The following FNDC3B variants were observed in gnomAD, a reference collection of about 807,000 sequenced individuals.
The protein encoded by FNDC3B is fibronectin type III domain-containing protein 3B.
In FNDC3B, 12 loss-of-function variants were observed where a neutral mutation model predicts 151.5. The observed-to-expected ratio is 0.08, with a 90% CI of 0.05 to 0.13. FNDC3B has a LOEUF of 0.13. Ranked by LOEUF, FNDC3B falls within the 10% of genes least tolerant of loss-of-function variation. The probability of loss-of-function intolerance (pLI) is 1.00; values close to 1 mark genes in which losing one functional copy is unlikely to be tolerated. For synonymous variants in FNDC3B, 528 were observed against 549.0 expected, an observed-to-expected ratio of 0.96 and a Z score of 0.54; for missense variants, 1,214 against 1,505.3, an observed-to-expected ratio of 0.81 and a Z score of 3.20.
intron 1 of FNDC3B, among the ~76,000 whole-genome samples, chr3:172,074,417 C>T (rs554259965): frequency 3.9e-4 from 60 of 152,344 alleles, no homozygotes; most frequent in African/African-American, 1.4e-3. Flanking sequence ...GATCCTTGAA[C>T]TCTTTTTTAA....
At chr3:172,119,169 TAA>T (rs555243695) in intron 2 of FNDC3B, among the ~76,000 whole-genome samples, 52 of 102,140 alleles carry the variant, frequency 5.1e-4, no homozygotes, top group Admixed American at 1.2e-3. Context: ...GACTCTGCCT[TAA>T]AAAAAAAAAA....
intron 3 of FNDC3B, among the ~76,000 whole-genome samples, chr3:172,163,850 C>T (rs1722891701): frequency 6.6e-6 from 1 of 152,134 alleles, no homozygotes; most frequent in Non-Finnish European, 1.5e-5. Context: ...TAGATAATGC[C>T]AGAGTCTTTT....
chr3:172,217,175 C>G (rs1178939489), intron 3 of FNDC3B, among the ~76,000 whole-genome samples: 1 of 152,174 alleles, frequency 6.6e-6, no homozygotes, highest in African/African-American at 2.4e-5. Flanking sequence ...TTGGGTTCAA[C>G]AAAAGTTTGT....
chr3:172,395,593 GT>G (rs1459802830), intron 25 of FNDC3B, among the ~76,000 whole-genome samples: 1 of 152,190 alleles, frequency 6.6e-6, no homozygotes, highest in Non-Finnish European at 1.5e-5. Context: ...ATGTTAGTTT[GT>G]GATAAAGTGG....
chr3:172,368,197 G>A (rs1264193073), intron 23 of FNDC3B, among the ~76,000 whole-genome samples: 1 of 151,328 alleles, frequency 6.6e-6, no homozygotes, highest in Non-Finnish European at 1.5e-5. Context: ...TTGAACCTAG[G>A]AGTTTGAGGT....
At chr3:172,250,632 T>G (rs1000123655) in intron 5 of FNDC3B, among the ~76,000 whole-genome samples, 1 of 152,194 alleles carries the variant, frequency 6.6e-6, no homozygotes, top group Non-Finnish European at 1.5e-5. Flanking sequence ...AAGGTAAAAA[T>G]CAAACTCAGT....
chr3:172,303,726 GA>G (rs11292213), intron 9 of FNDC3B, among the ~76,000 whole-genome samples: 85,280 of 149,438 alleles, frequency 0.57, 26,060 homozygotes, highest in African/African-American at 0.81. Context: ...CCATTATGTG[GA>G]AAAAAAAAAA....
intron 2 of FNDC3B, chr3:172,127,188 G>A (rs1479203090): frequency 4.7e-6 from 2 of 424,000 alleles, no homozygotes; most frequent in Non-Finnish European, 9.4e-6. Context: ...AGAAAAAGAA[G>A]TTGGGGGTAG....
intron 2 of FNDC3B, among the ~76,000 whole-genome samples, chr3:172,118,653 G>A (rs1720381274): frequency 6.6e-6 from 1 of 152,204 alleles, no homozygotes; most frequent in Non-Finnish European, 1.5e-5. Context: ...GTAGAAAGAG[G>A]CTGGTCATAT....
At chr3:172,069,997 A>G (rs1283884271) in intron 1 of FNDC3B, among the ~76,000 whole-genome samples, 2 of 152,088 alleles carry the variant, frequency 1.3e-5, no homozygotes, top group Non-Finnish European at 2.9e-5. Context: ...GCCTTTCCTT[A>G]CTTAGGGCAC....
intron 15 of FNDC3B, 199 bp downstream of exon 15, chr3:172,335,281 C>T (rs1392849144): frequency 2.5e-5 from 11 of 439,822 alleles, no homozygotes; most frequent in African/African-American, 8.2e-5. Context: ...AAAATGTAAT[C>T]GTAATGGACA....
At chr3:172,284,846 C>A (rs1423364423) in intron 6 of FNDC3B, among the ~76,000 whole-genome samples, 1 of 151,270 alleles carries the variant, frequency 6.6e-6, no homozygotes, top group African/African-American at 2.4e-5. Context: ...GGGGCAGGGA[C>A]ATATGTCTTA....
intron 1 of FNDC3B, among the ~76,000 whole-genome samples, chr3:172,103,067 G>C (rs992746393): frequency 1.3e-5 from 2 of 152,118 alleles, no homozygotes; most frequent in African/African-American, 4.8e-5. Flanking sequence ...AGTGTACCTG[G>C]AATCTAAGTG....
rs1733615570 is a variant in FNDC3B at position 172,346,406 on chromosome 3, G to A, written c.2330G>A (p.Cys777Tyr). ...PGQCKAPCIS[C>Y]TPDGCVLVGW... ...CAATGCAAAGCACCTTGTATTTCTT[G>A]TACACCTGATGGATGTGTCTTAGTG... is the stretch of plus-strand genomic sequence containing the variant. Residue 777 changes from cysteine (C) to tyrosine (Y), a missense_variant, in exon 20 of 26, where the codon TGT becomes TAT. Around this residue, in one of 7 missense-constraint regions of FNDC3B, gnomAD observed 380 missense variants for 420.9 expected, o/e 0.90. Coordinates refer to ENST00000415807, the MANE Select transcript of FNDC3B (RefSeq NM_022763.4). 3 of 1,613,322 alleles carry A rather than the reference G, an allele frequency of 1.9e-6. No homozygotes were observed. The highest frequency in any genetic ancestry group is 1.7e-6 in the Non-Finnish European group (2 of 1,179,438).
chr3:172,195,171 A>G (rs148092331), intron 3 of FNDC3B, among the ~76,000 whole-genome samples: 8 of 152,278 alleles, frequency 5.3e-5, no homozygotes, highest in South Asian at 2.1e-4. Flanking sequence ...ACAAGGATCT[A>G]TGTCTTGAAT....
intron 3 of FNDC3B, among the ~76,000 whole-genome samples, chr3:172,222,993 A>G (rs1726365094): frequency 6.6e-6 from 1 of 152,252 alleles, no homozygotes; most frequent in Non-Finnish European, 1.5e-5. Flanking sequence ...CAATCATTGC[A>G]TTAATTACCA....
chr3:172,106,655 A>G (rs1719658805), intron 1 of FNDC3B, among the ~76,000 whole-genome samples: 1 of 152,202 alleles, frequency 6.6e-6, no homozygotes, highest in African/African-American at 2.4e-5. Context: ...AAACTCTCCC[A>G]GCAGTGATTA....
At chr3:172,308,055 C>T (rs1362875544) in intron 10 of FNDC3B, among the ~76,000 whole-genome samples, 2 of 151,988 alleles carry the variant, frequency 1.3e-5, no homozygotes, top group African/African-American at 2.4e-5. Flanking sequence ...GTTTTATGGC[C>T]CTTTTGGCAC....
intron 8 of FNDC3B, among the ~76,000 whole-genome samples, chr3:172,297,539 A>C (rs142632884): frequency 6.6e-6 from 1 of 151,746 alleles, no homozygotes; most frequent in Non-Finnish European, 1.5e-5. Flanking sequence ...CAGTGGCACT[A>C]TCTTGGCTCA....
Sources: allele counts gnomAD v4.1 joint callset (sites outside exome capture counted in the v4.1 genomes callset), GRCh38; gene constraint gnomAD v4.1.1; regional missense constraint gnomAD v4.1.1; transcripts MANE v1.5; gene names NCBI Gene and HGNC (gene_info 2026-07-23, HGNC 2026-07-21).